CEP112: variants seen among roughly 807,000 people sequenced by gnomAD.
The protein encoded by CEP112 is centrosomal protein 112.
A neutral mutation model predicts 153.0 loss-of-function variants in CEP112; 127 were observed. The ratio of observed to expected loss-of-function variants is 0.83; its 90% CI spans 0.72 to 0.96. The LOEUF (loss-of-function observed/expected upper bound fraction) is 0.96, where lower values mean the gene tolerates loss of function less well. Among genes scored for constraint, CEP112 ranks in the 40% least tolerant of loss-of-function variants. The pLI is 0.00. For missense variants in CEP112, 1,089 were observed against 1,101.2 expected, an observed-to-expected ratio of 0.99 and a Z score of 0.16; for synonymous variants, 358 against 374.4, an observed-to-expected ratio of 0.96 and a Z score of 0.51.
intron 11 of CEP112, 40 bp from the exon 12 acceptor site, chr17:66,053,919 G>A (rs2066562833): frequency 6.5e-7 from 1 of 1,536,652 alleles, no homozygotes; most frequent in Non-Finnish European, 8.8e-7. Context: ...TTACTACTAT[G>A]GAATTGACTA....
At chr17:65,936,318 G>C (rs2061305496) in intron 18 of CEP112, among the ~76,000 whole-genome samples, 1 of 152,158 alleles carries the variant, frequency 6.6e-6, no homozygotes, top group Non-Finnish European at 1.5e-5. Context: ...AGAAGCTTCA[G>C]CTCACTGCTG....
At position 65,656,479 on chromosome 17, in the gene CEP112, T is replaced by C. The variant is rs545773165; in HGVS notation, c.2698-15414A>G. 8.5e-5 allele frequency among the ~76,000 whole-genome samples: 13 copies of C among 152,352 alleles called. No homozygotes were observed. The South Asian group carries it at 1.0e-3, about 12-fold the overall frequency. On this transcript the variant is annotated intron_variant, in intron 24 of 26. Transcript: ENST00000535342. ...CACTTACATTTATGCGTGTTGCATC[T>C]GTTAGACCAGGGGTCAACAAACTTC...
chr17:65,681,183 G>T (rs762681204), intron 24 of CEP112, among the ~76,000 whole-genome samples: 1 of 152,174 alleles, frequency 6.6e-6, no homozygotes, highest in Non-Finnish European at 1.5e-5. Flanking sequence ...CCATGAAGAT[G>T]ACAGATCGGG....
intron 16 of CEP112, among the ~76,000 whole-genome samples, chr17:66,010,128 T>C (rs773011272): frequency 2.8e-4 from 42 of 152,182 alleles, no homozygotes; most frequent in Admixed American, 1.3e-4. Flanking sequence ...GTGTCATCTC[T>C]GATTTCATTG....
rs537413419 is a variant in CEP112, at chr17:65,958,999, C to T, written c.1872+2464G>A. 1.3e-3 allele frequency among the ~76,000 whole-genome samples: 194 copies of T among 152,300 alleles called. 3 individuals carry two copies. Among genetic ancestry groups the T allele is most frequent in the East Asian group, 0.011 (56 of 5,180 alleles). Reference sequence around the variant, plus strand: ...GGGGAGCTACCAACTCCAGGGCCTCCTCTCTCCTAAGAGCTGCAGATGTCA... The same window carrying T: ...GGGGAGCTACCAACTCCAGGGCCTCTTCTCTCCTAAGAGCTGCAGATGTCA... On this transcript the variant is annotated intron_variant, in intron 18 of 26. Coordinates refer to ENST00000535342, the MANE Select transcript of CEP112 (RefSeq NM_001199165.4).
At chr17:66,116,992 G>A (rs1385002054) in intron 6 of CEP112, among the ~76,000 whole-genome samples, 2 of 150,768 alleles carry the variant, frequency 1.3e-5, no homozygotes, top group Non-Finnish European at 2.9e-5. Flanking sequence ...TCAGCCTCCT[G>A]AGTAACTGGA....
chr17:65,982,398 C>T (rs1362207259), intron 17 of CEP112, among the ~76,000 whole-genome samples: 1 of 152,196 alleles, frequency 6.6e-6, no homozygotes, highest in Non-Finnish European at 1.5e-5. Flanking sequence ...AACTGCTTAT[C>T]CTAACTAGAT....
chr17:65,876,591 A>G (rs1160266292), intron 20 of CEP112, among the ~76,000 whole-genome samples: 5 of 152,156 alleles, frequency 3.3e-5, no homozygotes, highest in African/African-American at 9.7e-5. Context: ...TTTTCAACCT[A>G]TAGACCTATA....
intron 23 of CEP112, among the ~76,000 whole-genome samples, chr17:65,726,665 C>T (rs1435844626): frequency 1.3e-5 from 2 of 152,100 alleles, no homozygotes; most frequent in South Asian, 2.1e-4. Flanking sequence ...AAGCAACCCT[C>T]TAAATTCAAT....
At chr17:66,033,672 C>T (rs529831610) in intron 12 of CEP112, among the ~76,000 whole-genome samples, 66 of 152,324 alleles carry the variant, frequency 4.3e-4, no homozygotes, top group Middle Eastern at 3.4e-3. Context: ...CTTTCCATAG[C>T]CATTCTACCT....
At position 66,179,208 on chromosome 17, in the gene CEP112, GT is replaced by G. The variant is rs527964335; in HGVS notation, c.107-2189del. On this transcript the variant is annotated intron_variant, in intron 2 of 26. Coordinates refer to ENST00000535342, the MANE Select transcript of CEP112 (RefSeq NM_001199165.4). ...GTGGTTCCACATAAATTTTAAGGTT[GT>G]TTTTTTCTATTTCTGTGAAGAATGT... Among the ~76,000 whole-genome samples, 395 of 152,074 alleles carry G rather than the reference GT, an allele frequency of 2.6e-3. 1 individual carries two copies. Among genetic ancestry groups the G allele is most frequent in the African/African-American group, 9.1e-3 (376 of 41,522 alleles).
At chr17:65,864,956 G>A (rs1026512685) in intron 20 of CEP112, among the ~76,000 whole-genome samples, 1 of 59,928 alleles carries the variant, frequency 1.7e-5, no homozygotes, top group Non-Finnish European at 4.6e-5. Context: ...GTGTGTGTGT[G>A]TGTGTGTGTG....
chr17:66,191,554 T>A lies in CEP112; in HGVS notation c.-9+443A>T, dbSNP rs1184901308. On this transcript the variant is annotated intron_variant, in intron 1 of 26. Coordinates refer to ENST00000535342, the MANE Select transcript of CEP112 (RefSeq NM_001199165.4). This position sits in a 1 kb window ranked among gnomAD's most constrained non-coding sequence, Gnocchi z 4.2. ...TTCTGTCCCCGCAAATCCAGCTGAT[T>A]GTTCTGAGACTCTTTTCTGGGACGG... is the stretch of plus-strand genomic sequence containing the variant. 6.6e-6 allele frequency: 1 copy of A among 152,632 alleles called. No homozygotes were observed. Among genetic ancestry groups the A allele is most frequent in the Admixed American group, 6.5e-5 (1 of 15,286 alleles). The allele number at this position is 152,632 out of a possible 1,614,324, so 9.5% of individuals were successfully genotyped here. A position where few individuals can be genotyped will look rare whatever the true frequency, so the allele number is the denominator to read the frequency against.
chr17:65,875,077 T>C (rs1271038735), intron 20 of CEP112, among the ~76,000 whole-genome samples: 1 of 152,024 alleles, frequency 6.6e-6, no homozygotes. Flanking sequence ...TATCAAAAAA[T>C]GTTTTACAGA....
chr17:66,148,954 G>C (rs2071043944), intron 4 of CEP112, among the ~76,000 whole-genome samples: 1 of 152,090 alleles, frequency 6.6e-6, no homozygotes, highest in African/African-American at 2.4e-5. Context: ...TAAGAATAAT[G>C]TCTATAGGCT....
chr17:66,121,726 G>T (rs1184577298), intron 6 of CEP112, among the ~76,000 whole-genome samples: 1 of 151,774 alleles, frequency 6.6e-6, no homozygotes, highest in Non-Finnish European at 1.5e-5. Flanking sequence ...TTAGAGATGG[G>T]GGTCTCACTA....
At chr17:66,028,822 G>A (rs1194627831) in intron 14 of CEP112, among the ~76,000 whole-genome samples, 1 of 151,850 alleles carries the variant, frequency 6.6e-6, no homozygotes, top group East Asian at 1.9e-4. Context: ...TCTATGAAAT[G>A]TATTATTCAT....
intron 18 of CEP112, among the ~76,000 whole-genome samples, chr17:65,929,848 A>G (rs138409099): frequency 1.3e-5 from 2 of 152,336 alleles, no homozygotes; most frequent in African/African-American, 4.8e-5. Context: ...TAAAACACAC[A>G]CAAAATAAAT....
intron 17 of CEP112, among the ~76,000 whole-genome samples, chr17:65,976,889 C>T (rs1284380040): frequency 6.6e-6 from 1 of 151,870 alleles, no homozygotes; most frequent in Admixed American, 6.6e-5. Flanking sequence ...CAGGCATGCA[C>T]CCCCATGCCC....
Sources: gnomAD v4.1 joint callset for allele counts (sites outside exome capture counted in the v4.1 genomes callset) on GRCh38, gnomAD v4.1.1 for gene constraint, Gnocchi (gnomAD v3.1) non-coding constraint, MANE v1.5 for transcripts, NCBI Gene and HGNC (gene_info 2026-07-23, HGNC 2026-07-21) for gene names.